The following CEP126 variants were observed in gnomAD, a reference collection of about 807,000 sequenced individuals.
CEP126 encodes centrosomal protein of 126 kDa.
A neutral mutation model predicts 107.8 loss-of-function variants in CEP126; 74 were observed. That is an observed-to-expected ratio of 0.69 (90% CI 0.57 to 0.83). The LOEUF (loss-of-function observed/expected upper bound fraction) is 0.83. CEP126 is among the 40% of genes least tolerant of loss of function. CEP126 has a pLI of 0.00. For synonymous variants in CEP126, 449 were observed against 446.0 expected (o/e 1.01, Z -0.08); for missense variants, 1,237 against 1,281.9 (o/e 0.96, Z 0.53).
At chr11:101,932,897 AT>A (rs1468078102) in intron 2 of CEP126, among the ~76,000 whole-genome samples, 1 of 152,186 alleles carries the variant, frequency 6.6e-6, no homozygotes, top group African/African-American at 2.4e-5. Flanking sequence ...ACTTACTGTT[AT>A]ATACCAAACA....
At chr11:101,941,189 A>G (rs1591275443) in intron 2 of CEP126, among the ~76,000 whole-genome samples, 1 of 152,178 alleles carries the variant, frequency 6.6e-6, no homozygotes, top group Non-Finnish European at 1.5e-5. Context: ...TCTGTCTTCA[A>G]AGACTACATT....
At chr11:101,935,061 A>G (rs1007493252) in intron 2 of CEP126, among the ~76,000 whole-genome samples, 1 of 152,062 alleles carries the variant, frequency 6.6e-6, no homozygotes, top group Non-Finnish European at 1.5e-5. Flanking sequence ...CTTCCCAGTC[A>G]GCCTTTTTAA....
chr11:101,956,586 C>G (rs761281626), intron 4 of CEP126: 2 of 456,040 alleles, frequency 4.4e-6, no homozygotes, highest in African/African-American at 2.0e-5. Flanking sequence ...ATACTGTTTT[C>G]TTCCTCCTCA....
At chr11:101,979,075 T>A (rs955959194) in intron 7 of CEP126, among the ~76,000 whole-genome samples, 1 of 151,738 alleles carries the variant, frequency 6.6e-6, no homozygotes, top group African/African-American at 2.4e-5. Context: ...GAGGTTACAG[T>A]GAGCTGAGGT....
At chr11:101,956,437 C>T (rs1391319706) in intron 4 of CEP126, 1 of 456,482 alleles carries the variant, frequency 2.2e-6, no homozygotes, top group East Asian at 6.9e-5. Flanking sequence ...TTCCACAAGC[C>T]ACAGCATTGT....
rs1940167366 is a variant in CEP126, at chr11:101,915,030, G to A, written c.-255G>A. On this transcript the variant is annotated 5_prime_UTR_variant, in exon 1 of 11. Coordinates refer to ENST00000263468, the MANE Select transcript of CEP126 (RefSeq NM_020802.4). ...AGGACGCGCCGTCGGTTGTTGTCAA[G>A]ATGGCGGCTGCAGGGTTGCTGCCGC... is the stretch of plus-strand genomic sequence containing the variant. The A allele has an allele frequency of 2.3e-6, 1 of 431,790 alleles. No individual in the cohort carries two copies. Among genetic ancestry groups the A allele is most frequent in the Non-Finnish European group, 4.1e-6 (1 of 244,038 alleles). The allele number at this position is 431,790 out of a possible 1,614,324, so 26.7% of individuals were successfully genotyped here.
At chr11:101,976,364 A>G (rs1345588412) in intron 6 of CEP126, among the ~76,000 whole-genome samples, 2 of 152,108 alleles carry the variant, frequency 1.3e-5, no homozygotes, top group South Asian at 2.1e-4. Context: ...TAATTTCTTT[A>G]TATGTAAAAA....
intron 3 of CEP126, among the ~76,000 whole-genome samples, chr11:101,946,413 T>G (rs1940736995): frequency 6.6e-6 from 1 of 151,538 alleles, no homozygotes; most frequent in Admixed American, 6.6e-5. Context: ...GAGGCTGAAG[T>G]GGGAGGGTTG....
At chr11:101,923,255 A>G (rs1057165813) in intron 2 of CEP126, among the ~76,000 whole-genome samples, 6 of 152,192 alleles carry the variant, frequency 3.9e-5, no homozygotes, top group African/African-American at 1.4e-4. Context: ...TGGTAGCAAT[A>G]TGAATAACAG....
chr11:101,931,212 A>G (rs115338500), intron 2 of CEP126, among the ~76,000 whole-genome samples: 1 of 151,934 alleles, frequency 6.6e-6, no homozygotes, highest in African/African-American at 2.4e-5. Flanking sequence ...ATACTTTTAT[A>G]TTTTTCCTTT....
chr11:101,981,558 G>A (rs1232962730), intron 7 of CEP126, among the ~76,000 whole-genome samples: 2 of 152,172 alleles, frequency 1.3e-5, no homozygotes, highest in Non-Finnish European at 2.9e-5. Flanking sequence ...CTCCCAAAGT[G>A]TTGGGATTAC....
chr11:101,981,411 A>G (rs562807170), intron 7 of CEP126, among the ~76,000 whole-genome samples: 2 of 152,188 alleles, frequency 1.3e-5, no homozygotes, highest in African/African-American at 2.4e-5. Context: ...CTTCTGCCTC[A>G]GTCTCCCAAG....
rs1940761927 is a variant in CEP126 at position 101,948,044 on chromosome 11, A to G, written c.408A>G (p.Pro136=). The change falls in exon 4 of 11, where the codon CCA becomes CCG. Residue 136 remains proline (P), a synonymous_variant. Transcript: ENST00000263468. ...SQRRKAVSRK[P]VPPLEEALKQ... is the part of the protein sequence containing the mutation. ...TTATCTCTTTAGTTTCCCGAAAACC[A>G]GTTCCTCCATTAGAAGAGGCCCTCA... 6.2e-7 allele frequency: 1 copy of G among 1,608,786 alleles called. No homozygotes were observed. The highest frequency in any genetic ancestry group is 8.5e-7 in the Non-Finnish European group (1 of 1,176,210).
At chr11:101,947,054 G>T (rs1034765149) in intron 3 of CEP126, among the ~76,000 whole-genome samples, 1 of 152,108 alleles carries the variant, frequency 6.6e-6, no homozygotes, top group Non-Finnish European at 1.5e-5. Flanking sequence ...TTAGGGAAAT[G>T]GATTGTCTTT....
Position 101,958,367 on chromosome 11 carries a change from GTA to G in CEP126, c.705+3_705+4del. On this transcript the variant is annotated splice_donor_variant and splice_donor_region_variant and intron_variant, in intron 5 of 10. Transcript: ENST00000263468. LOFTEE classifies it high-confidence loss of function. ...AGATCAACATCTAAGCAATTTGCAA[GTA>G]TGAAACTATAAAAATGTTGTTAATA... The G allele has an allele frequency of 6.2e-7, 1 of 1,610,756 alleles. No homozygotes were observed. Among genetic ancestry groups the G allele is most frequent in the Non-Finnish European group, 8.5e-7 (1 of 1,178,068 alleles).
chr11:101,986,749 TGTATAA>T (rs1053463777), intron 8 of CEP126, 77 bp from the exon 9 acceptor site: 9 of 918,498 alleles, frequency 9.8e-6, no homozygotes, highest in African/African-American at 8.3e-5. Context: ...CAGTTAAGCA[TGTATAA>T]GTATATGTAA....
intron 4 of CEP126, chr11:101,956,367 T>C (rs1239398644): frequency 2.2e-6 from 1 of 456,266 alleles, no homozygotes; most frequent in African/African-American, 2.0e-5. Flanking sequence ...CTTTCTTATG[T>C]CACTCCGTTG....
Position 101,937,924 on chromosome 11 carries a change from C to T in CEP126, c.249-6341C>T, listed in dbSNP as rs551737007. Among the ~76,000 whole-genome samples the T allele has an allele frequency of 7.3e-5, 11 of 151,226 alleles. No homozygotes were observed. The East Asian group carries it at 2.2e-3, about 30-fold the overall frequency. On this transcript the variant is annotated intron_variant, in intron 2 of 10. Transcript: ENST00000263468. ...ATCCCAGCACTTTGGGAGGCCGAGG[C>T]GGGTGGATCATGAGGTCAGGAGATC...
At position 101,915,190 on chromosome 11, in the gene CEP126, G is replaced by C; in HGVS notation, c.-95G>C. The C allele has an allele frequency of 6.5e-7, 1 of 1,548,782 alleles. No individual in the cohort carries two copies. Among genetic ancestry groups the C allele is most frequent in the Non-Finnish European group, 8.8e-7 (1 of 1,140,810 alleles). On this transcript the variant is annotated 5_prime_UTR_variant, in exon 1 of 11. Coordinates refer to ENST00000263468, the MANE Select transcript of CEP126 (RefSeq NM_020802.4). ...CCCGTGACGCGGGGCCTGAGAGACGGAGTGTAGGGAGGGGCCGAGCAGGAG... is the reference window on the plus strand; with the variant it reads ...CCCGTGACGCGGGGCCTGAGAGACGCAGTGTAGGGAGGGGCCGAGCAGGAG...
Sources: gnomAD v4.1 joint callset for allele counts (sites outside exome capture counted in the v4.1 genomes callset) on GRCh38, gnomAD v4.1.1 for gene constraint, MANE v1.5 for transcripts, NCBI Gene and HGNC (gene_info 2026-07-23, HGNC 2026-07-21) for gene names.